The following RALGPS1 variants were observed in gnomAD, a reference collection of about 807,000 sequenced individuals.
RALGPS1 encodes the protein ras-specific guanine nucleotide-releasing factor RalGPS1.
Under a neutral mutation model 78.8 loss-of-function variants are expected in RALGPS1, and 19 were observed. The observed-to-expected ratio is 0.24, with a 90% CI of 0.17 to 0.35. The LOEUF is 0.35. RALGPS1 is among the 10% of genes least tolerant of loss of function. RALGPS1 has a pLI of 1.00. For missense variants in RALGPS1, 454 were observed against 688.3 expected (o/e 0.66, Z 3.81); for synonymous variants, 228 against 256.3 (o/e 0.89, Z 1.06).
chr9:127,151,733 C>A (rs969842275), intron 8 of RALGPS1, among the ~76,000 whole-genome samples: 1 of 152,014 alleles, frequency 6.6e-6, no homozygotes, highest in Non-Finnish European at 1.5e-5. Flanking sequence ...TTCCTGGAAC[C>A]TAATAAACTC....
chr9:127,178,602 C>A, intron 11 of RALGPS1: 1 of 534,696 alleles, frequency 1.9e-6, no homozygotes, highest in South Asian at 8.1e-5. Context: ...TCCCCACTAT[C>A]ACCCCCACCC....
chr9:126,975,362 T>C (rs186564778), intron 3 of RALGPS1, among the ~76,000 whole-genome samples: 1 of 152,336 alleles, frequency 6.6e-6, no homozygotes, highest in East Asian at 1.9e-4. Flanking sequence ...TAATAAATCA[T>C]CTGGAAATTC....
At position 127,212,558 on chromosome 9, in the gene RALGPS1, G is replaced by C. The variant is rs565641253; in HGVS notation, c.1354-69G>C. ...TGGCATTGATGGGATGGCTGGGTCT[G>C]TAATCGGCCAGGGATCCTCTACCCC... On this transcript the variant is annotated intron_variant, in intron 15 of 18. Transcript: ENST00000259351. This position sits in a 1 kb window ranked among gnomAD's most constrained non-coding sequence, Gnocchi z 6.0. 1.7e-6 allele frequency: 2 copies of C among 1,147,416 alleles called. No individual in the cohort carries two copies. The highest frequency in any genetic ancestry group is 1.6e-5 in the African/African-American group (1 of 64,418). 71.1% of individuals were successfully genotyped at this position (1,147,416 alleles called of 1,614,324 possible).
At chr9:127,115,904 A>G (rs2055360921) in intron 8 of RALGPS1, among the ~76,000 whole-genome samples, 1 of 152,190 alleles carries the variant, frequency 6.6e-6, no homozygotes, top group African/African-American at 2.4e-5. Flanking sequence ...ATCAGCCCGG[A>G]GGCCAGGGAG....
intron 4 of RALGPS1, among the ~76,000 whole-genome samples, chr9:126,996,074 A>G (rs2042721666): frequency 1.3e-5 from 2 of 152,250 alleles, no homozygotes; most frequent in South Asian, 4.1e-4. Context: ...CCACAAGAGA[A>G]AGCAGGAAAG....
chr9:127,033,226 T>G (rs1042931420), intron 4 of RALGPS1, among the ~76,000 whole-genome samples: 2 of 152,220 alleles, frequency 1.3e-5, no homozygotes, highest in Non-Finnish European at 2.9e-5. Flanking sequence ...TGTCTCGGCC[T>G]CTGGCTGGTT....
intron 8 of RALGPS1, chr9:127,069,945 C>G (rs1177180536): frequency 6.6e-6 from 1 of 152,126 alleles, no homozygotes; most frequent in African/African-American, 2.4e-5. Flanking sequence ...ATCTACTTTT[C>G]GATGCTATGA....
chr9:126,963,930 A>G (rs1286142483), intron 2 of RALGPS1, among the ~76,000 whole-genome samples: 1 of 152,240 alleles, frequency 6.6e-6, no homozygotes, highest in East Asian at 1.9e-4. Context: ...CTCAGGATCT[A>G]CATATGAGAC....
chr9:127,138,835 C>A (rs1312941494), intron 8 of RALGPS1, among the ~76,000 whole-genome samples: 4 of 152,188 alleles, frequency 2.6e-5, no homozygotes, highest in African/African-American at 4.8e-5. Context: ...AGGAGCTCAG[C>A]TCATGGTAGC....
chr9:127,011,486 A>C (rs2044341075), intron 4 of RALGPS1, among the ~76,000 whole-genome samples: 1 of 152,128 alleles, frequency 6.6e-6, no homozygotes, highest in Non-Finnish European at 1.5e-5. Flanking sequence ...CCAAGAGCCC[A>C]TTTTTTATGG....
intron 5 of RALGPS1, among the ~76,000 whole-genome samples, chr9:127,039,870 C>G (rs557277175): frequency 2.2e-4 from 33 of 152,158 alleles, no homozygotes; most frequent in Non-Finnish European, 3.4e-4. Flanking sequence ...AGAGAGCTGA[C>G]TCTGGAAATA....
intron 8 of RALGPS1, among the ~76,000 whole-genome samples, chr9:127,101,507 C>G (rs544230252): frequency 1.2e-4 from 19 of 152,296 alleles, no homozygotes; most frequent in Admixed American, 7.2e-4. Flanking sequence ...CTCCATCCTT[C>G]ACCCTCCATC....
chr9:127,108,887 C>A, intron 8 of RALGPS1: 1 of 819,144 alleles, frequency 1.2e-6, no homozygotes, highest in Non-Finnish European at 1.8e-6. Context: ...TTTCCAAAAA[C>A]TCTGCTTCAG....
intron 4 of RALGPS1, among the ~76,000 whole-genome samples, chr9:127,033,554 A>G (rs2046606808): frequency 6.6e-6 from 1 of 152,238 alleles, no homozygotes; most frequent in African/African-American, 2.4e-5. Flanking sequence ...GAGGCCTGGT[A>G]GGAATTAAAA....
intron 5 of RALGPS1, among the ~76,000 whole-genome samples, chr9:127,036,366 C>T (rs1320524357): frequency 6.6e-6 from 1 of 152,204 alleles, no homozygotes; most frequent in African/African-American, 2.4e-5. Flanking sequence ...GAGAACAAGA[C>T]TCATCAGACT....
chr9:127,114,359 A>G (rs2137371043), intron 8 of RALGPS1, among the ~76,000 whole-genome samples: 1 of 152,326 alleles, frequency 6.6e-6, no homozygotes, highest in Middle Eastern at 3.4e-3. Context: ...CCAAATCACA[A>G]ATTAATAAGT....
Position 127,178,054 on chromosome 9 carries a change from A to G in RALGPS1, c.910+3272A>G, listed in dbSNP as rs528622725. 9 of 1,457,826 alleles carry G rather than the reference A, an allele frequency of 6.2e-6. No individual in the cohort carries two copies. In the Admixed American group the frequency reaches 1.8e-4, roughly 30 times the overall value. The allele number at this position is 1,457,826 out of a possible 1,614,324, so 90.3% of individuals were successfully genotyped here. A position where few individuals can be genotyped will look rare whatever the true frequency, so the allele number is the denominator to read the frequency against. On this transcript the variant is annotated intron_variant, in intron 11 of 18. Transcript: ENST00000259351. ...CATGGGCCGGCCCAGGGTCCTGGGG[A>G]GGGTGGAGCCCTAGGCTAAAGGGCA...
intron 10 of RALGPS1, among the ~76,000 whole-genome samples, 182 bp from the exon 11 acceptor site, chr9:127,174,533 T>C (rs907941458): frequency 6.6e-6 from 1 of 152,170 alleles, no homozygotes; most frequent in African/African-American, 2.4e-5. Context: ...ACTTTGTCTT[T>C]CTTAACCATT....
chr9:127,212,494 G>C lies in RALGPS1; in HGVS notation c.1354-133G>C, dbSNP rs184953498. On this transcript the variant is annotated intron_variant, in intron 15 of 18. Coordinates refer to ENST00000259351, the MANE Select transcript of RALGPS1 (RefSeq NM_014636.3). This position sits in a 1 kb window ranked among gnomAD's most constrained non-coding sequence, Gnocchi z 6.0. ...TCCTAGGTGGAAGTTGGCATTGCCA[G>C]GGGGTGGTGGAGGGCCAGGGAAGAG... 151 of 686,598 alleles carry C rather than the reference G, an allele frequency of 2.2e-4. No individual in the cohort carries two copies. The highest frequency in any genetic ancestry group is 2.3e-4 in the Non-Finnish European group (95 of 414,610). The allele number at this position is 686,598 out of a possible 1,614,324, so 42.5% of individuals were successfully genotyped here.
Sources: allele counts gnomAD v4.1 joint callset (sites outside exome capture counted in the v4.1 genomes callset), GRCh38; gene constraint gnomAD v4.1.1; non-coding constraint Gnocchi (gnomAD v3.1); transcripts MANE v1.5; gene names NCBI Gene and HGNC (gene_info 2026-07-23, HGNC 2026-07-21).